The following USO1 variants were observed in gnomAD, a reference collection of about 807,000 sequenced individuals.
USO1 encodes the protein general vesicular transport factor p115.
USO1 carries 57 observed loss-of-function variants against 124.5 expected under a neutral mutation model. The observed-to-expected ratio is 0.46, with a 90% CI of 0.37 to 0.57. The LOEUF (loss-of-function observed/expected upper bound fraction) is 0.57, where lower values mean the gene tolerates loss of function less well. Ranked by LOEUF, USO1 falls within the 20% of genes least tolerant of loss-of-function variation. USO1 has a pLI of 0.00. For missense variants in USO1, 900 were observed against 1,040.6 expected (o/e 0.86, Z 1.86); for synonymous variants, 369 against 362.8 (o/e 1.02, Z -0.19).
chr4:75,802,760 T>TC (rs1722886932), intron 17 of USO1, among the ~76,000 whole-genome samples: 1 of 136,762 alleles, frequency 7.3e-6, no homozygotes, highest in Non-Finnish European at 1.6e-5. Flanking sequence ...TTTTTTTTTT[T>TC]TGAGACAGTT....
At chr4:75,763,591 G>A (rs1721684964) in intron 4 of USO1, among the ~76,000 whole-genome samples, 1 of 151,834 alleles carries the variant, frequency 6.6e-6, no homozygotes. Flanking sequence ...ACTTAGAACG[G>A]GCATTTTTTT....
intron 8 of USO1, among the ~76,000 whole-genome samples, chr4:75,778,045 C>T (rs1416994481): frequency 6.6e-6 from 1 of 152,050 alleles, no homozygotes; most frequent in Non-Finnish European, 1.5e-5. Context: ...CATAAAGGAA[C>T]CATAAAGGCA....
intron 1 of USO1, among the ~76,000 whole-genome samples, chr4:75,728,592 C>G (rs561056652): frequency 9.2e-4 from 140 of 152,256 alleles, no homozygotes; most frequent in South Asian, 5.2e-3. Context: ...TGAGCAACCA[C>G]TGAGTGGTTA....
intron 22 of USO1, 81 bp from the exon 23 acceptor site, chr4:75,812,079 A>C: frequency 6.5e-7 from 1 of 1,534,224 alleles, no homozygotes; most frequent in Non-Finnish European, 8.8e-7. Context: ...GTGATTTGTC[A>C]TAGAAAGAAA....
At position 75,790,207 on chromosome 4, in the gene USO1, G is replaced by T. The variant is rs1722490727; in HGVS notation, c.1054G>T (p.Ala352Ser). The T allele has an allele frequency of 6.2e-7, 1 of 1,602,634 alleles. No individual in the cohort carries two copies. Among genetic ancestry groups the T allele is most frequent in the East Asian group, 2.2e-5 (1 of 44,580 alleles). Residue 352 changes from alanine (A) to serine (S), a missense_variant, in exon 11 of 24, where the codon GCA becomes TCA. By Grantham distance (99) the Ala-to-Ser change is moderately conservative. Around this residue, in one of 2 missense-constraint regions of USO1, gnomAD observed 538 missense variants for 681.6 expected, o/e 0.79. Transcript: ENST00000514213. ...CTGCCAAGTAAACCAAGACTACTTT[G>T]CATCTGTAAATGCACCTTCAAACCC... is the stretch of plus-strand genomic sequence containing the variant. ...RGCQVNQDYF[A>S]SVNAPSNPPR...
At chr4:75,761,536 G>T (rs1476223153) in intron 4 of USO1, among the ~76,000 whole-genome samples, 1 of 152,150 alleles carries the variant, frequency 6.6e-6, no homozygotes, top group Non-Finnish European at 1.5e-5. Flanking sequence ...AATGTATATT[G>T]ATATTGTCCC....
chr4:75,803,416 GACC>G (rs1722909291), intron 17 of USO1, among the ~76,000 whole-genome samples: 1 of 151,998 alleles, frequency 6.6e-6, no homozygotes, highest in African/African-American at 2.4e-5. Context: ...GGGAGGCTGA[GACC>G]GGTGGATCAC....
At chr4:75,782,988 A>G (rs970559392) in intron 9 of USO1, 130 bp downstream of exon 9, 4 of 1,265,460 alleles carry the variant, frequency 3.2e-6, no homozygotes, top group Non-Finnish European at 4.2e-6. Flanking sequence ...AAACTGTAAT[A>G]TGGAAATTTG....
At chr4:75,768,431 G>A (rs955422542) in intron 4 of USO1, among the ~76,000 whole-genome samples, 1 of 141,012 alleles carries the variant, frequency 7.1e-6, no homozygotes, top group Non-Finnish European at 1.6e-5. Flanking sequence ...TTTAATTTCC[G>A]ATTGTCATTA....
At chr4:75,725,596 G>A (rs1273776930) in intron 1 of USO1, among the ~76,000 whole-genome samples, 1 of 145,934 alleles carries the variant, frequency 6.9e-6, no homozygotes, top group Non-Finnish European at 1.5e-5. Context: ...AACTCCTAAT[G>A]ACATGATTTG....
intron 21 of USO1, among the ~76,000 whole-genome samples, chr4:75,809,675 A>G (rs1349180023): frequency 6.6e-6 from 1 of 152,172 alleles, no homozygotes; most frequent in Non-Finnish European, 1.5e-5. Context: ...CCTAGTTTTC[A>G]TCTGAGACCT....
chr4:75,805,283 G>A lies in USO1; in HGVS notation c.2269G>A (p.Asp757Asn). The change falls in exon 19 of 24, where the codon GAC (aspartate) becomes AAC (asparagine). Residue 757 changes from aspartate to asparagine, a missense_variant. Asp to Asn is a conservative substitution (Grantham distance 23). Transcript: ENST00000514213. ...ELLQSQLTEK[D>N]SMIENMKSSQ... ...TTTACAAAGCCAGCTGACTGAAAAG[G>A]ACTCTATGATTGAAAATATGGTAAA... 6.2e-7 allele frequency: 1 copy of A among 1,605,924 alleles called. No homozygotes were observed. Among genetic ancestry groups the A allele is most frequent in the Non-Finnish European group, 8.5e-7 (1 of 1,177,106 alleles).
intron 17 of USO1, among the ~76,000 whole-genome samples, chr4:75,802,211 A>G (rs1722870684): frequency 6.6e-6 from 1 of 152,238 alleles, no homozygotes; most frequent in African/African-American, 2.4e-5. Flanking sequence ...TAAATCAATC[A>G]ATAAATTATA....
Position 75,812,298 on chromosome 4 carries a change from G to GATCT in USO1, c.2723_2726dup (p.Leu910SerfsTer18). 1 of 1,607,036 alleles carries GATCT rather than the reference G, an allele frequency of 6.2e-7. No individual in the cohort carries two copies. Among genetic ancestry groups the GATCT allele is most frequent in the African/African-American group, 1.3e-5 (1 of 74,964 alleles). On this transcript the variant is annotated frameshift_variant, in exon 23 of 24. Transcript: ENST00000514213. LOFTEE classifies it high-confidence loss of function. Reference sequence around the variant, plus strand: ...TACAGATTCTAAAAAAGAACAAGATGATCTCTTGGTGCTCTTGGCCGATCA... The same window carrying GATCT: ...TACAGATTCTAAAAAAGAACAAGATGATCTATCTCTTGGTGCTCTTGGCCGATCA...
At chr4:75,748,749 C>T (rs927123926) in intron 1 of USO1, among the ~76,000 whole-genome samples, 8 of 151,742 alleles carry the variant, frequency 5.3e-5, no homozygotes, top group African/African-American at 9.7e-5. Context: ...AAGCAGAAAA[C>T]GCCTGGAAAA....
chr4:75,783,647 G>T (rs140591272), intron 9 of USO1, among the ~76,000 whole-genome samples: 1 of 152,098 alleles, frequency 6.6e-6, no homozygotes, highest in Non-Finnish European at 1.5e-5. Flanking sequence ...GGTTAGGTCC[G>T]CTAGTAATTA....
intron 1 of USO1, among the ~76,000 whole-genome samples, chr4:75,738,591 C>T (rs1720862575): frequency 6.6e-6 from 1 of 152,108 alleles, no homozygotes; most frequent in African/African-American, 2.4e-5. Context: ...AATCCTCCCA[C>T]GTCAGCCTCC....
chr4:75,805,401 CAT>C (rs1722967539), intron 19 of USO1, 98 bp downstream of exon 19: 3 of 1,421,422 alleles, frequency 2.1e-6, no homozygotes, highest in Non-Finnish European at 2.8e-6. Flanking sequence ...GCCAGAATAT[CAT>C]ATGTTAAGAT....
At chr4:75,747,352 A>G (rs1264681795) in intron 1 of USO1, among the ~76,000 whole-genome samples, 3 of 152,080 alleles carry the variant, frequency 2.0e-5, no homozygotes, top group African/African-American at 2.4e-5. Context: ...CCACAGCCAC[A>G]CTCACTGTAG....
Sources: gnomAD v4.1 joint callset for allele counts (sites outside exome capture counted in the v4.1 genomes callset) on GRCh38, gnomAD v4.1.1 for gene constraint, gnomAD v4.1.1 regional missense constraint, MANE v1.5 for transcripts, NCBI Gene and HGNC (gene_info 2026-07-23, HGNC 2026-07-21) for gene names.